OPRL1: variants seen among roughly 807,000 people sequenced by gnomAD.
The protein encoded by OPRL1 is opioid related nociceptin receptor 1.
In OPRL1, 5 loss-of-function variants were observed where a neutral mutation model predicts 15.5. The observed-to-expected ratio is 0.32, with a 90% CI of 0.17 to 0.68. The LOEUF (loss-of-function observed/expected upper bound fraction) is 0.68. Among genes scored for constraint, OPRL1 ranks in the 30% least tolerant of loss-of-function variants. The pLI is 0.72. For synonymous variants in OPRL1, 223 were observed against 230.2 expected, an observed-to-expected ratio of 0.97 and a Z score of 0.28; for missense variants, 406 against 515.3, an observed-to-expected ratio of 0.79 and a Z score of 2.05.
intron 1 of OPRL1, chr20:64,086,481 C>T (rs1219751804): frequency 5.1e-6 from 1 of 196,224 alleles, no homozygotes; most frequent in Admixed American, 4.7e-5. Context: ...CAGGCCGACA[C>T]CTCCCATCTG....
Position 64,097,899 on chromosome 20 carries a change from A to T in OPRL1, c.331A>T (p.Ile111Phe). The T allele has an allele frequency of 6.2e-7, 1 of 1,613,668 alleles. No individual in the cohort carries two copies. Among genetic ancestry groups the T allele is most frequent in the Admixed American group, 1.7e-5 (1 of 60,030 alleles). ...GACGCTGCCCTTCCAGGGCACGGAC[A>T]TCCTCCTGGGCTTCTGGCCGTTTGG... ...LLTLPFQGTD[I>F]LLGFWPFGNA... Residue 111 changes from isoleucine (I) to phenylalanine (F), a missense_variant, in exon 4 of 5, where the codon ATC (isoleucine) becomes TTC (phenylalanine). By Grantham distance (21) the Ile-to-Phe change is conservative (BLOSUM62 0). Coordinates refer to ENST00000336866, the MANE Select transcript of OPRL1 (RefSeq NM_182647.4). This position sits in a 1 kb window ranked among gnomAD's most constrained non-coding sequence, Gnocchi z 4.2.
intron 3 of OPRL1, among the ~76,000 whole-genome samples, chr20:64,093,285 GGA>G (rs1978415905): frequency 6.6e-6 from 1 of 150,712 alleles, no homozygotes; most frequent in Non-Finnish European, 1.5e-5. Context: ...AGCGGCCCTG[GGA>G]GAGTCTTTTT....
Position 64,099,117 on chromosome 20 carries a change from G to A in OPRL1, c.*318G>A. On this transcript the variant is annotated 3_prime_UTR_variant, in exon 5 of 5. Coordinates refer to ENST00000336866, the MANE Select transcript of OPRL1 (RefSeq NM_182647.4). ...ATGCTGGTGGACGGCCGTGACTGGA[G>A]CCCGTGCCCCTCCCTCCCCGTGCTT... 2.5e-6 allele frequency: 1 copy of A among 398,166 alleles called. No homozygotes were observed. The allele number at this position is 398,166 out of a possible 1,614,324, so 24.7% of individuals were successfully genotyped here. A position where few individuals can be genotyped will look rare whatever the true frequency, so the allele number is the denominator to read the frequency against.
At chr20:64,087,847 G>T (rs1425277011) in intron 1 of OPRL1, among the ~76,000 whole-genome samples, 3 of 152,236 alleles carry the variant, frequency 2.0e-5, no homozygotes, top group African/African-American at 4.8e-5. Context: ...CCCTTGGCAG[G>T]TTGGGGGAGG....
At chr20:64,086,286 C>T (rs537022615) in intron 1 of OPRL1, among the ~76,000 whole-genome samples, 1 of 152,322 alleles carries the variant, frequency 6.6e-6, no homozygotes, top group South Asian at 2.1e-4. Flanking sequence ...CAAGAAGGGG[C>T]TTGTAACCTC....
At chr20:64,093,348 A>G (rs984334940) in intron 3 of OPRL1, among the ~76,000 whole-genome samples, 1 of 147,496 alleles carries the variant, frequency 6.8e-6, no homozygotes, top group Non-Finnish European at 1.5e-5. Flanking sequence ...TGGAGCTCGG[A>G]CCGTTCTGAA....
In OPRL1 at chr20:64,097,517, C is replaced by G. The variant is rs1979320922; in HGVS notation, c.234-285C>G. 6.6e-6 allele frequency among the ~76,000 whole-genome samples: 1 copy of G among 152,198 alleles called. No homozygotes were observed. The highest frequency in any genetic ancestry group is 2.4e-5 in the African/African-American group (1 of 41,452). ...TCTGGTAGCCTACATGCCCTGACTC[C>G]TCTAAAGTAGACCTGTGTTTAAGGC... On this transcript the variant is annotated intron_variant, in intron 3 of 4. Transcript: ENST00000336866. The surrounding 1 kb of genome is among the most constrained non-coding windows in gnomAD (Gnocchi z 4.2).
rs546045372 is a variant in OPRL1, at chr20:64,084,214, C to T, written c.-185+3862C>T. 187 of 1,413,688 alleles carry T rather than the reference C, an allele frequency of 1.3e-4. 4 individuals carry two copies. The South Asian group carries it at 2.4e-3, about 18-fold the overall frequency. The allele number at this position is 1,413,688 out of a possible 1,614,324, so 87.6% of individuals were successfully genotyped here. ...TGCGCCCGCCCTCCTTCGCTGGCGG[C>T]GGCATCCTCCCGCCCTGCGGAGGGA... On this transcript the variant is annotated intron_variant, in intron 1 of 4. Transcript: ENST00000336866.
At position 64,092,854 on chromosome 20, in the gene OPRL1, T is replaced by A; in HGVS notation, c.134T>A (p.Phe45Tyr). The A allele has an allele frequency of 6.2e-7, 1 of 1,612,768 alleles. No homozygotes were observed. The highest frequency in any genetic ancestry group is 8.5e-7 in the Non-Finnish European group (1 of 1,179,946). ...HLLLNASHGAFLPLGLKVTIV... is the reference protein window; with the variant it reads ...HLLLNASHGAYLPLGLKVTIV... Reference sequence around the variant, plus strand: ...CTGCTCAATGCCAGCCACGGCGCCTTCCTGCCCCTCGGGCTCAAGGTCACC... The same window carrying A: ...CTGCTCAATGCCAGCCACGGCGCCTACCTGCCCCTCGGGCTCAAGGTCACC... The change falls in exon 3 of 5, where the codon TTC (phenylalanine) becomes TAC (tyrosine). Residue 45 changes from phenylalanine (F) to tyrosine (Y), a missense_variant. Coordinates refer to ENST00000336866, the MANE Select transcript of OPRL1 (RefSeq NM_182647.4).
At position 64,097,740 on chromosome 20, in the gene OPRL1, C is replaced by T. The variant is rs1001351437; in HGVS notation, c.234-62C>T. ...TGGTGGCCAAGAGGAGCCCCTTGCC[C>T]TTTGCTGCCTGGTCCAGCCAGCATG... On this transcript the variant is annotated intron_variant, in intron 3 of 4. Transcript: ENST00000336866. The surrounding 1 kb of genome is among the most constrained non-coding windows in gnomAD (Gnocchi z 4.2). 9.4e-6 allele frequency: 14 copies of T among 1,485,596 alleles called. No individual in the cohort carries two copies. Among genetic ancestry groups the T allele is most frequent in the Non-Finnish European group, 1.2e-5 (13 of 1,078,908 alleles). The allele number at this position is 1,485,596 out of a possible 1,614,324, so 92.0% of individuals were successfully genotyped here. A position where few individuals can be genotyped will look rare whatever the true frequency, so the allele number is the denominator to read the frequency against.
intron 1 of OPRL1, among the ~76,000 whole-genome samples, chr20:64,082,304 C>G (rs2059975795): frequency 6.6e-6 from 1 of 152,218 alleles, no homozygotes; most frequent in South Asian, 2.1e-4. Context: ...TCTGTCCCCT[C>G]CTTGTCAGCT....
intron 2 of OPRL1, among the ~76,000 whole-genome samples, 163 bp downstream of exon 2, chr20:64,092,279 CTG>C (rs1398663581): frequency 2.0e-5 from 3 of 152,104 alleles, no homozygotes; most frequent in Non-Finnish European, 4.4e-5. Flanking sequence ...TTGGGCATTT[CTG>C]TGTGTCTGTG....
intron 1 of OPRL1, chr20:64,086,620 C>T: frequency 5.1e-6 from 1 of 196,832 alleles, no homozygotes; most frequent in South Asian, 6.9e-5. Flanking sequence ...TTAATGACTA[C>T]AAAATTTAAC....
chr20:64,088,777 G>C (rs79351138), intron 1 of OPRL1, among the ~76,000 whole-genome samples: 284 of 11,490 alleles, frequency 0.025, 11 homozygotes, highest in Admixed American at 0.043. Context: ...TGCAGGGAGG[G>C]TAGGATCTGT....
Position 64,098,618 on chromosome 20 carries a change from A to G in OPRL1, c.932A>G (p.Asn311Ser), listed in dbSNP as rs1401232099. Residue 311 changes from asparagine (N) to serine (S), a missense_variant, in exon 5 of 5, where the codon AAC (asparagine) becomes AGC (serine). Physicochemically the swap from Asn to Ser is conservative, Grantham distance 46. Transcript: ENST00000336866. The stretch of plus-strand genomic sequence containing the variant: ...TTCTGCACGGCCCTGGGCTACGTCA[A>G]CAGCTGCCTCAACCCCATCCTCTAC... Reference protein sequence around the residue: ...LRFCTALGYVNSCLNPILYAF... With the variant: ...LRFCTALGYVSSCLNPILYAF... The G allele has an allele frequency of 1.9e-6, 3 of 1,612,852 alleles. No homozygotes were observed. Among genetic ancestry groups the G allele is most frequent in the South Asian group, 2.2e-5 (2 of 91,078 alleles).
At chr20:64,082,392 G>C (rs1030459681) in intron 1 of OPRL1, among the ~76,000 whole-genome samples, 1 of 152,196 alleles carries the variant, frequency 6.6e-6, no homozygotes, top group Non-Finnish European at 1.5e-5. Flanking sequence ...TAAAGTGCTC[G>C]GTGCACGGGG....
Position 64,100,391 on chromosome 20 carries a change from T to G in OPRL1, c.*1592T>G, listed in dbSNP as rs1979688606. ...TCTGGGGAGTCTAGGCCGTGGGGAC[T>G]GTTCTGGGGAGGCTCATGCTGTCTC... On this transcript the variant is annotated 3_prime_UTR_variant, in exon 5 of 5. Transcript: ENST00000336866. 1 of 152,244 alleles carries G rather than the reference T, an allele frequency of 6.6e-6. No homozygotes were observed. Among genetic ancestry groups the G allele is most frequent in the African/African-American group, 2.4e-5 (1 of 41,456 alleles). The allele number at this position is 152,244 out of a possible 1,614,324, so 9.4% of individuals were successfully genotyped here.
chr20:64,092,861 C>G lies in OPRL1; in HGVS notation c.141C>G (p.Pro47=), dbSNP rs1978364265. ...LLNASHGAFL[P]LGLKVTIVGL... ...ATGCCAGCCACGGCGCCTTCCTGCC[C>G]CTCGGGCTCAAGGTCACCATCGTGG... The change falls in exon 3 of 5, where the codon CCC becomes CCG. Residue 47 remains proline (P), a synonymous_variant. Transcript: ENST00000336866. The G allele has an allele frequency of 6.2e-7, 1 of 1,612,664 alleles. No homozygotes were observed. Among genetic ancestry groups the G allele is most frequent in the Non-Finnish European group, 8.5e-7 (1 of 1,179,964 alleles).
intron 1 of OPRL1, chr20:64,084,218 A>G (rs1488483456): frequency 1.4e-6 from 2 of 1,411,382 alleles, no homozygotes; most frequent in Non-Finnish European, 1.8e-6. Context: ...TGGCGGCGGC[A>G]TCCTCCCGCC....
Sources: gnomAD v4.1 joint callset for allele counts (sites outside exome capture counted in the v4.1 genomes callset) on GRCh38, gnomAD v4.1.1 for gene constraint, Gnocchi (gnomAD v3.1) non-coding constraint, MANE v1.5 for transcripts, NCBI Gene and HGNC (gene_info 2026-07-23, HGNC 2026-07-21) for gene names.